Variants in PRKCQ observed in about 807,000 individuals in gnomAD.
PRKCQ encodes protein kinase C theta type.
PRKCQ carries 41 observed loss-of-function variants against 91.2 expected under a neutral mutation model. The observed-to-expected ratio is 0.45, with a 90% CI of 0.35 to 0.58. The LOEUF is 0.58. Ranked by LOEUF, PRKCQ falls within the 20% of genes least tolerant of loss-of-function variation. The pLI is 0.00. For synonymous variants in PRKCQ, 307 were observed against 316.9 expected (o/e 0.97, Z 0.33); for missense variants, 673 against 896.5 (o/e 0.75, Z 3.18).
rs899480197 is a variant in PRKCQ, at chr10:6,493,556, A to T, written c.661-1744T>A. The stretch of plus-strand genomic sequence containing the variant: ...TCAAAATATCCTGGGAGAAGATAAT[A>T]TCACAGACATTTATTTATGTAGCTG... On this transcript the variant is annotated intron_variant, in intron 7 of 17. Transcript: ENST00000263125. Among the ~76,000 whole-genome samples, 10 of 152,348 alleles carry T rather than the reference A, an allele frequency of 6.6e-5. No individual in the cohort carries two copies. In the South Asian group the frequency reaches 1.9e-3, roughly 28 times the overall value.
intron 1 of PRKCQ, among the ~76,000 whole-genome samples, chr10:6,553,518 C>A (rs12356933): frequency 0.91 from 129,762 of 141,912 alleles, 59,522 homozygotes; most frequent in East Asian, 1. Context: ...AAAAAAAAAA[C>A]AAACAAACAA....
chr10:6,396,892 T>A, the PRKCQ span, among the ~76,000 whole-genome samples: 3 of 152,332 alleles, frequency 2.0e-5, no homozygotes, highest in South Asian at 6.2e-4. Flanking sequence ...CATTTTACAT[T>A]CCCAGCAGCA....
intron 1 of PRKCQ, among the ~76,000 whole-genome samples, chr10:6,575,778 A>ATG (rs1841206748): frequency 6.6e-6 from 1 of 152,236 alleles, no homozygotes; most frequent in African/African-American, 2.4e-5. Flanking sequence ...GCGGTGGCTC[A>ATG]CGCCTGTAAT....
At chr10:6,463,660 C>T (rs184509086) in intron 13 of PRKCQ, among the ~76,000 whole-genome samples, 8 of 152,248 alleles carry the variant, frequency 5.3e-5, no homozygotes, top group Admixed American at 3.9e-4. Context: ...GATTATTGAG[C>T]GCTGAGCAAA....
At chr10:6,440,981 G>A (rs572864673) in intron 16 of PRKCQ, among the ~76,000 whole-genome samples, 1 of 152,218 alleles carries the variant, frequency 6.6e-6, no homozygotes, top group Non-Finnish European at 1.5e-5. Context: ...GAGTGAGACT[G>A]TCTCAAAAAA....
the PRKCQ span, among the ~76,000 whole-genome samples, chr10:6,405,452 C>T: frequency 6.6e-6 from 1 of 152,198 alleles, no homozygotes; most frequent in Non-Finnish European, 1.5e-5. Flanking sequence ...CAGGGAACTG[C>T]TCACTGCCTT....
chr10:6,451,833 A>T (rs965646003), intron 15 of PRKCQ, among the ~76,000 whole-genome samples: 2 of 152,234 alleles, frequency 1.3e-5, no homozygotes, highest in African/African-American at 4.8e-5. Context: ...AAACCACATG[A>T]TTACTCAATA....
chr10:6,549,316 T>C (rs953654603), intron 1 of PRKCQ, among the ~76,000 whole-genome samples: 4 of 152,204 alleles, frequency 2.6e-5, no homozygotes, highest in Non-Finnish European at 5.9e-5. Context: ...TTTATGTAGA[T>C]AGGGAGGAAG....
In PRKCQ at chr10:6,550,770, T is replaced by A. The variant is rs1302812943; in HGVS notation, c.-10+29441A>T. ...GCTGGATCATGCAGTCATTCTAAGTTTTTGAGGAACCACCGTACTGATTCC... is the reference window on the plus strand; with the variant it reads ...GCTGGATCATGCAGTCATTCTAAGTATTTGAGGAACCACCGTACTGATTCC... On this transcript the variant is annotated intron_variant, in intron 1 of 17. Coordinates refer to ENST00000263125, the MANE Select transcript of PRKCQ (RefSeq NM_006257.5). 8.5e-5 allele frequency among the ~76,000 whole-genome samples: 13 copies of A among 152,150 alleles called. 1 individual carries two copies. The highest frequency in any genetic ancestry group is 8.5e-4 in the Admixed American group (13 of 15,274).
chr10:6,400,829 A>G, the PRKCQ span, among the ~76,000 whole-genome samples: 1 of 152,166 alleles, frequency 6.6e-6, no homozygotes, highest in African/African-American at 2.4e-5. Flanking sequence ...CCTGGGCGAC[A>G]TAGAAAGACC....
the PRKCQ span, among the ~76,000 whole-genome samples, chr10:6,414,124 G>A: frequency 6.6e-6 from 1 of 152,168 alleles, no homozygotes; most frequent in Non-Finnish European, 1.5e-5. Flanking sequence ...ACTCCGGAAG[G>A]TTCCCTGAGT....
In PRKCQ at chr10:6,430,056, T is replaced by C. The variant is rs184413994; in HGVS notation, c.1965+754A>G. On this transcript the variant is annotated intron_variant, in intron 17 of 17. Transcript: ENST00000263125. This position sits in a 1 kb window ranked among gnomAD's most constrained non-coding sequence, Gnocchi z 4.7. ...TTTTAGTAGAGACAAGGTTTCACCA[T>C]GTTGGCCAGGCTGACCTCGAACTCC... Among the ~76,000 whole-genome samples the C allele has an allele frequency of 2.2e-4, 34 of 152,320 alleles. No individual in the cohort carries two copies. In the East Asian group the frequency reaches 5.0e-3, roughly 22 times the overall value.
rs866370196 is a variant in PRKCQ at position 6,579,724 on chromosome 10, G to T, written c.-10+487C>A. Among the ~76,000 whole-genome samples the T allele has an allele frequency of 1.2e-4, 18 of 145,440 alleles. No individual in the cohort carries two copies. The South Asian group carries it at 2.0e-3, about 16-fold the overall frequency. On this transcript the variant is annotated intron_variant, in intron 1 of 17. Transcript: ENST00000263125. ...AGGCCCTTGACCAGAAACTTGGCTT[G>T]TTTAGAAGCCTGAGCAATGGCACCC...
At chr10:6,507,257 C>T (rs922109959) in intron 4 of PRKCQ, among the ~76,000 whole-genome samples, 179 bp downstream of exon 4, 2 of 152,112 alleles carry the variant, frequency 1.3e-5, no homozygotes, top group South Asian at 2.1e-4. Context: ...TACGTTTTTC[C>T]GGCCCAGATA....
intron 4 of PRKCQ, among the ~76,000 whole-genome samples, chr10:6,503,188 G>A (rs1838012164): frequency 6.6e-6 from 1 of 152,178 alleles, no homozygotes; most frequent in African/African-American, 2.4e-5. Context: ...AATAAATAGG[G>A]TAAAAGAGAA....
At chr10:6,441,664 CGTTAT>C (rs1242413407) in intron 16 of PRKCQ, among the ~76,000 whole-genome samples, 4 of 152,080 alleles carry the variant, frequency 2.6e-5, no homozygotes, top group Non-Finnish European at 5.9e-5. Flanking sequence ...GTTCCTGGGC[CGTTAT>C]GTTATAACTG....
At chr10:6,510,221 A>T (rs1838402057) in intron 3 of PRKCQ, among the ~76,000 whole-genome samples, 1 of 152,168 alleles carries the variant, frequency 6.6e-6, no homozygotes, top group Admixed American at 6.5e-5. Flanking sequence ...TGCCCCAGAA[A>T]TTTTCATTGG....
chr10:6,426,616 CTATT>C (rs1396598728), downstream of PRKCQ, among the ~76,000 whole-genome samples: 1 of 152,048 alleles, frequency 6.6e-6, no homozygotes, highest in Non-Finnish European at 1.5e-5. Context: ...AGGGGAGTGT[CTATT>C]TAAAAAAAAT....
At chr10:6,406,205 CTT>C in the PRKCQ span, among the ~76,000 whole-genome samples, 1 of 152,116 alleles carries the variant, frequency 6.6e-6, no homozygotes, top group Non-Finnish European at 1.5e-5. Flanking sequence ...TTAGAATTAA[CTT>C]ATGTTAGAAA....
Sources: allele counts gnomAD v4.1 joint callset (sites outside exome capture counted in the v4.1 genomes callset), GRCh38; gene constraint gnomAD v4.1.1; non-coding constraint Gnocchi (gnomAD v3.1); transcripts MANE v1.5; gene names NCBI Gene and HGNC (gene_info 2026-07-23, HGNC 2026-07-21).